The following UBAP2 variants were observed in gnomAD, a reference collection of about 807,000 sequenced individuals.
UBAP2 encodes the protein ubiquitin-associated protein 2.
A neutral mutation model predicts 139.6 loss-of-function variants in UBAP2; 75 were observed. That is an observed-to-expected ratio of 0.54 (90% CI 0.45 to 0.65). The LOEUF (loss-of-function observed/expected upper bound fraction) is 0.65, where lower values mean the gene tolerates loss of function less well. UBAP2 is among the 30% of genes least tolerant of loss of function. The pLI is 0.00. For synonymous variants in UBAP2, 526 were observed against 526.2 expected, an observed-to-expected ratio of 1.00 and a Z score of 0.01; for missense variants, 1,368 against 1,369.6, an observed-to-expected ratio of 1.00 and a Z score of 0.02.
chr9:34,002,104 C>T (rs1418724307), intron 2 of UBAP2, among the ~76,000 whole-genome samples: 1 of 151,718 alleles, frequency 6.6e-6, no homozygotes, highest in Admixed American at 6.6e-5. Flanking sequence ...TGGCAGCCAC[C>T]ATGCCTGGCT....
chr9:33,938,576 C>T (rs1458235386), intron 16 of UBAP2, among the ~76,000 whole-genome samples: 4 of 152,262 alleles, frequency 2.6e-5, no homozygotes. Flanking sequence ...GCAGGCAGAT[C>T]ACCTGAGGTC....
chr9:34,014,258 C>T (rs1409499350), intron 2 of UBAP2, among the ~76,000 whole-genome samples: 3 of 123,494 alleles, frequency 2.4e-5, no homozygotes, highest in South Asian at 5.4e-4. Context: ...ACCCCAGAGG[C>T]GGAGGTTACA....
intron 11 of UBAP2, among the ~76,000 whole-genome samples, chr9:33,955,043 G>A (rs775027881): frequency 6.6e-6 from 1 of 152,236 alleles, no homozygotes; most frequent in East Asian, 1.9e-4. Flanking sequence ...TATCCCATAA[G>A]TTCCTTCCTT....
intron 6 of UBAP2, among the ~76,000 whole-genome samples, chr9:33,981,142 G>GATAT (rs1268832117): frequency 2.1e-3 from 2 of 972 alleles, no homozygotes; most frequent in Admixed American, 0.011. Flanking sequence ...ATATATTCTG[G>GATAT]ATATATATAT....
intron 19 of UBAP2, among the ~76,000 whole-genome samples, chr9:33,929,537 G>C (rs931566751): frequency 1.3e-5 from 2 of 152,174 alleles, no homozygotes; most frequent in Admixed American, 1.3e-4. Context: ...TATTGATGGA[G>C]AGTGGTAAAG....
At chr9:33,997,330 G>C (rs990252187) in intron 3 of UBAP2, 13 of 152,136 alleles carry the variant, frequency 8.5e-5, no homozygotes, top group African/African-American at 3.1e-4. Context: ...AATATCTATT[G>C]CATTTTAACT....
chr9:33,936,573 T>C (rs978844940), intron 16 of UBAP2, among the ~76,000 whole-genome samples: 8 of 152,010 alleles, frequency 5.3e-5, no homozygotes, highest in African/African-American at 1.9e-4. Context: ...GGATTACAGG[T>C]GTGAGCCACC....
chr9:33,986,700 G>A (rs1048196247), intron 6 of UBAP2, 60 bp downstream of exon 6: 82 of 1,410,566 alleles, frequency 5.8e-5, no homozygotes, highest in Non-Finnish European at 7.5e-5. Flanking sequence ...GTCCAGCAAC[G>A]CAACTGCCTG....
chr9:34,046,257 A>G (rs1393551397), intron 1 of UBAP2, among the ~76,000 whole-genome samples: 1 of 150,726 alleles, frequency 6.6e-6, no homozygotes, highest in Non-Finnish European at 1.5e-5. Flanking sequence ...AACCCCACAA[A>G]GTGTCTTATT....
chr9:33,960,206 T>A (rs72727364), intron 10 of UBAP2, among the ~76,000 whole-genome samples: 5,938 of 152,226 alleles, frequency 0.039, 153 homozygotes, highest in South Asian at 0.067. Context: ...CTCAGAGTGC[T>A]GTTGTGAGTC....
intron 2 of UBAP2, among the ~76,000 whole-genome samples, chr9:34,000,829 T>G (rs1822637373): frequency 6.6e-6 from 1 of 152,234 alleles, no homozygotes; most frequent in African/African-American, 2.4e-5. Context: ...TCCAGGTGCT[T>G]TGGCCTGTTC....
intron 2 of UBAP2, among the ~76,000 whole-genome samples, chr9:34,015,825 T>C (rs1824200452): frequency 6.6e-6 from 1 of 152,070 alleles, no homozygotes; most frequent in Non-Finnish European, 1.5e-5. Context: ...GAAGCCATCA[T>C]GCCCAGCTAC....
At chr9:33,952,917 T>A (rs1223357799) in intron 12 of UBAP2, 2 of 157,646 alleles carry the variant, frequency 1.3e-5, no homozygotes, top group Non-Finnish European at 2.8e-5. Context: ...TCACCCAGCC[T>A]GGAGTACAGA....
intron 22 of UBAP2, among the ~76,000 whole-genome samples, chr9:33,926,387 T>G (rs930791150): frequency 6.6e-6 from 1 of 152,128 alleles, no homozygotes; most frequent in African/African-American, 2.4e-5. Context: ...GGGCCCCAGG[T>G]CCCAAAGGCC....
At chr9:34,037,845 C>G (rs915316069) in intron 1 of UBAP2, among the ~76,000 whole-genome samples, 2 of 151,756 alleles carry the variant, frequency 1.3e-5, no homozygotes, top group Non-Finnish European at 2.9e-5. Flanking sequence ...ACAGAAACCC[C>G]GACTGGATGG....
rs749567514 is a variant in UBAP2 at position 33,948,471 on chromosome 9, G to A, written c.1173C>T (p.Thr391=). 3.5e-5 allele frequency: 57 copies of A among 1,614,026 alleles called. No homozygotes were observed. Among genetic ancestry groups the A allele is most frequent in the Non-Finnish European group, 4.8e-5 (57 of 1,180,032 alleles). The change falls in exon 13 of 29, where the codon ACC becomes ACT. Residue 391 remains threonine (T), a synonymous_variant. Coordinates refer to ENST00000379238, the MANE Select transcript of UBAP2 (RefSeq NM_001370062.2). ...KAPSLGQFTT[T]PSTQQNSTSH... Reference sequence around the variant, plus strand: ...TTGTACTATTCTGCTGTGTACTTGGGGTGGTGGTAAACTGGCCCAAACTCG... The same window carrying A: ...TTGTACTATTCTGCTGTGTACTTGGAGTGGTGGTAAACTGGCCCAAACTCG...
At chr9:33,986,944 A>C in intron 5 of UBAP2, 107 bp from the exon 6 acceptor site, 2 of 995,016 alleles carry the variant, frequency 2.0e-6, no homozygotes, top group Non-Finnish European at 1.6e-6. Context: ...ACAGGCTACA[A>C]TTTAAACAAC....
chr9:33,987,513 T>C (rs375156584), intron 5 of UBAP2, among the ~76,000 whole-genome samples: 1 of 151,854 alleles, frequency 6.6e-6, no homozygotes, highest in South Asian at 2.1e-4. Flanking sequence ...GAGGCTGAGG[T>C]GGGAGGATCA....
intron 1 of UBAP2, among the ~76,000 whole-genome samples, chr9:34,039,918 G>A (rs1311352987): frequency 2.0e-5 from 3 of 150,402 alleles, no homozygotes; most frequent in Admixed American, 1.3e-4. Context: ...CAGCACTTTG[G>A]GAGGCCGAGG....
Sources: allele counts gnomAD v4.1 joint callset (sites outside exome capture counted in the v4.1 genomes callset), GRCh38; gene constraint gnomAD v4.1.1; transcripts MANE v1.5; gene names NCBI Gene and HGNC (gene_info 2026-07-23, HGNC 2026-07-21).